The following SUPT20HL2 variants were observed in gnomAD, a reference collection of about 807,000 sequenced individuals.
The protein encoded by SUPT20HL2 is SUPT20H like 2.
For synonymous variants in SUPT20HL2, 125 were observed against 51.6 expected (o/e 2.42, Z -6.10); for missense variants, 288 against 127.4 (o/e 2.26, Z -6.07).
At position 24,311,745 on chromosome X, in the gene SUPT20HL2, G is replaced by A. The variant is rs759319338; in HGVS notation, c.1571C>T (p.Ala524Val). Residue 524 changes from alanine (A) to valine (V), a missense_variant, in exon 1 of 1, where the codon GCG (alanine) becomes GTG (valine). Coordinates refer to ENST00000486479, the MANE Select transcript of SUPT20HL2 (RefSeq NM_001136233.3). ...GCTTGGTGCCGCCCCACCGGCCGCC[G>A]CCGCCACAGCAGCAGCAGCTAAAGC... Reference protein sequence around the residue: ...APALAAAAVAAAAGGAAPSHS... With the variant: ...APALAAAAVAVAAGGAAPSHS... 7 of 353,402 alleles carry A rather than the reference G, an allele frequency of 2.0e-5. No homozygotes were observed. The highest frequency in any genetic ancestry group is 5.2e-5 in the African/African-American group (2 of 38,230). 29.1% of individuals were successfully genotyped at this position (353,402 alleles called of 1,213,427 possible).
In SUPT20HL2 at chrX:24,311,867, T is replaced by C. The variant is rs1458362208; in HGVS notation, c.1449A>G (p.Gln483=). ...KISSGNSFPP[Q]QAGSPLKRPF... ...GACGCTTAAGAGGGCTGCCTGCCTG[T>C]TGTGGGGGAAAACTGTTACCTGAGG... Residue 483 remains glutamine, a synonymous_variant, in exon 1 of 1, where the codon CAA becomes CAG. Coordinates refer to ENST00000486479, the MANE Select transcript of SUPT20HL2 (RefSeq NM_001136233.3). 2 of 349,485 alleles carry C rather than the reference T, an allele frequency of 5.7e-6. No homozygotes were observed. Among genetic ancestry groups the C allele is most frequent in the Admixed American group, 6.1e-5 (2 of 32,806 alleles). 28.8% of individuals were successfully genotyped at this position (349,485 alleles called of 1,213,427 possible).
In SUPT20HL2 at chrX:24,311,175, G is replaced by C. The variant is rs765411333; in HGVS notation, c.2141C>G (p.Thr714Ser). 5.0e-5 allele frequency: 19 copies of C among 381,122 alleles called. No individual in the cohort carries two copies. The highest frequency in any genetic ancestry group is 4.6e-4 in the African/African-American group (18 of 39,332). The allele number at this position is 381,122 out of a possible 1,213,427, so 31.4% of individuals were successfully genotyped here. ...PAQQLLNVNL[T>S]GAGSGLQPQP... ...GGGCTGCAGACCACTACCTGCTCCA[G>C]TGAGGTTCACATTAAGAAGTTGCTG... The change falls in exon 1 of 1, where the codon ACT (threonine) becomes AGT (serine). Residue 714 changes from threonine to serine, a missense_variant. Thr to Ser is a moderately conservative substitution (Grantham distance 58). Coordinates refer to ENST00000486479, the MANE Select transcript of SUPT20HL2 (RefSeq NM_001136233.3).
Position 24,309,763 on chromosome X carries a change from A to C in SUPT20HL2, c.*1099T>G, listed in dbSNP as rs1290037273. Among the ~76,000 whole-genome samples the C allele has an allele frequency of 3.2e-5, 3 of 93,225 alleles. No individual in the cohort carries two copies. Among genetic ancestry groups the C allele is most frequent in the Non-Finnish European group, 4.3e-5 (2 of 46,545 alleles). 81.0% of individuals were successfully genotyped at this position (93,225 alleles called of 115,157 possible). A position where few individuals can be genotyped will look rare whatever the true frequency, so the allele number is the denominator to read the frequency against. ...AAAAAAAAGAAAAAAAAAAAAAAAA[A>C]AAAAAACATCCAAAAAGAGCCTTTT... On this transcript the variant is annotated 3_prime_UTR_variant, in exon 1 of 1. Coordinates refer to ENST00000486479, the MANE Select transcript of SUPT20HL2 (RefSeq NM_001136233.3).
chrX:24,309,725 T>TAAAAAAAAAAAAAAAAAAA lies in SUPT20HL2; in HGVS notation c.*1136_*1137insTTTTTTTTTTTTTTTTTTT, dbSNP rs1569195686. ...AAAATTAAAAAAAAAAAGAAAAAAATAATAAAAATAAAAAAAAAAAGAAAA... is the reference window on the plus strand; with the variant it reads ...AAAATTAAAAAAAAAAAGAAAAAAATAAAAAAAAAAAAAAAAAAAAATAAAAATAAAAAAAAAAAGAAAA... On this transcript the variant is annotated 3_prime_UTR_variant, in exon 1 of 1. Transcript: ENST00000486479. 2.4e-4 allele frequency among the ~76,000 whole-genome samples: 4 copies of TAAAAAAAAAAAAAAAAAAA among 16,881 alleles called. No homozygotes were observed. The highest frequency in any genetic ancestry group is 2.2e-3 in the East Asian group (1 of 464). 14.7% of individuals were successfully genotyped at this position (16,881 alleles called of 115,157 possible).
Position 24,311,315 on chromosome X carries a change from G to A in SUPT20HL2, c.2001C>T (p.Ser667=), listed in dbSNP as rs753295301. The change falls in exon 1 of 1, where the codon TCC becomes TCT. Residue 667 remains serine, a synonymous_variant. Transcript: ENST00000486479. ...GCTGCTGCAGGGAAACCAGCTGATG[G>A]GACTGCTGCTGCGGGCCGGTCAGAA... is the stretch of plus-strand genomic sequence containing the variant. ...WAVLTGPQQQ[S]HQLVSLQQLQ... 2.6e-6 allele frequency: 1 copy of A among 387,682 alleles called. No homozygotes were observed. The highest frequency in any genetic ancestry group is 5.2e-6 in the Non-Finnish European group (1 of 192,719). 31.9% of individuals were successfully genotyped at this position (387,682 alleles called of 1,213,427 possible).
Position 24,312,434 on chromosome X carries a change from T to C in SUPT20HL2, c.882A>G (p.Lys294=), listed in dbSNP as rs769421170. ...TKAGSCVDTW[K]GRPCDLAVPS... ...GCACGGCCAAATCACAGGGTCTGCC[T>C]TTCCACGTGTCTACACAACTTCCCG... The change falls in exon 1 of 1, where the codon AAA becomes AAG. Residue 294 remains lysine, a synonymous_variant. Coordinates refer to ENST00000486479, the MANE Select transcript of SUPT20HL2 (RefSeq NM_001136233.3). The C allele has an allele frequency of 1.6e-5, 6 of 384,808 alleles. No homozygotes were observed. The East Asian group carries it at 3.8e-4, about 24-fold the overall frequency. The allele number at this position is 384,808 out of a possible 1,213,427, so 31.7% of individuals were successfully genotyped here. A position where few individuals can be genotyped will look rare whatever the true frequency, so the allele number is the denominator to read the frequency against.
chrX:24,308,313 A>G lies in SUPT20HL2; in HGVS notation c.*2549T>C. The G allele has an allele frequency of 2.7e-6, 1 of 375,187 alleles. No individual in the cohort carries two copies. Among genetic ancestry groups the G allele is most frequent in the Non-Finnish European group, 5.2e-6 (1 of 192,461 alleles). The allele number at this position is 375,187 out of a possible 1,213,427, so 30.9% of individuals were successfully genotyped here. On this transcript the variant is annotated 3_prime_UTR_variant, in exon 1 of 1. Transcript: ENST00000486479. ...TTGTCTCCATGTCCTACTTGAAAGAAGCAGCAGGCAAAGGAGAAAGCACAC... is the reference window on the plus strand; with the variant it reads ...TTGTCTCCATGTCCTACTTGAAAGAGGCAGCAGGCAAAGGAGAAAGCACAC...
In SUPT20HL2 at chrX:24,311,679, C is replaced by T. The variant is rs754645466; in HGVS notation, c.1637G>A (p.Arg546Lys). ...GGGGCGCCCGGCAGCTGGACGGCGC[C>T]TGCTAGCTTTAATAAGAGGCACAGA... is the stretch of plus-strand genomic sequence containing the variant. ...KPSVPLIKAS[R>K]RRPAAGRPTR... Residue 546 changes from arginine to lysine, a missense_variant, in exon 1 of 1, where the codon AGG becomes AAG. Arg to Lys is a conservative substitution (Grantham distance 26). Coordinates refer to ENST00000486479, the MANE Select transcript of SUPT20HL2 (RefSeq NM_001136233.3). The T allele has an allele frequency of 1.8e-5, 7 of 381,848 alleles. No homozygotes were observed. The highest frequency in any genetic ancestry group is 3.7e-5 in the Non-Finnish European group (7 of 190,149). The allele number at this position is 381,848 out of a possible 1,213,427, so 31.5% of individuals were successfully genotyped here. A position where few individuals can be genotyped will look rare whatever the true frequency, so the allele number is the denominator to read the frequency against.
In SUPT20HL2 at chrX:24,313,756, T is replaced by G. The variant is rs1304193182; in HGVS notation, c.-441A>C. On this transcript the variant is annotated 5_prime_UTR_variant, in exon 1 of 1. Coordinates refer to ENST00000486479, the MANE Select transcript of SUPT20HL2 (RefSeq NM_001136233.3). Reference sequence around the variant, plus strand: ...ACAGAAGTGAGCGGGAGGGCCGTGGTCAGCTTCTAGGCGCGTCTGGGCACC... The same window carrying G: ...ACAGAAGTGAGCGGGAGGGCCGTGGGCAGCTTCTAGGCGCGTCTGGGCACC... 1 of 357,667 alleles carries G rather than the reference T, an allele frequency of 2.8e-6. No homozygotes were observed. Among genetic ancestry groups the G allele is most frequent in the Non-Finnish European group, 5.4e-6 (1 of 186,438 alleles). The allele number at this position is 357,667 out of a possible 1,213,427, so 29.5% of individuals were successfully genotyped here.
rs191355503 is a variant in SUPT20HL2, at chrX:24,310,343, T to G, written c.*519A>C. Among the ~76,000 whole-genome samples, 1 of 111,904 alleles carries G rather than the reference T, an allele frequency of 8.9e-6. No homozygotes were observed. The highest frequency in any genetic ancestry group is 2.8e-4 in the East Asian group (1 of 3,571). ...GGGCATGAGTTTCAGTGTTGCAAGA[T>G]GGTCTTGAGATCTGCGGCACAACCG... On this transcript the variant is annotated 3_prime_UTR_variant, in exon 1 of 1. Transcript: ENST00000486479.
In SUPT20HL2 at chrX:24,311,608, A is replaced by G. The variant is rs750752365; in HGVS notation, c.1708T>C (p.Ser570Pro). The stretch of plus-strand genomic sequence containing the variant: ...ACGTTGGTGGCCTTTAGGCCAGTGG[A>G]GCCTGTCCGGACCTGAATGGCTGGG... Reference protein sequence around the residue: ...IAPAIQVRTGSTGLKATNVEG... With the variant: ...IAPAIQVRTGPTGLKATNVEG... Residue 570 changes from serine (S) to proline (P), a missense_variant, in exon 1 of 1, where the codon TCC becomes CCC. Ser to Pro is a moderately conservative substitution (Grantham distance 74). Coordinates refer to ENST00000486479, the MANE Select transcript of SUPT20HL2 (RefSeq NM_001136233.3). 2.6e-6 allele frequency: 1 copy of G among 385,544 alleles called. No individual in the cohort carries two copies. The highest frequency in any genetic ancestry group is 5.2e-6 in the Non-Finnish European group (1 of 191,799). 31.8% of individuals were successfully genotyped at this position (385,544 alleles called of 1,213,427 possible).
chrX:24,311,042 C>T lies in SUPT20HL2; in HGVS notation c.2274G>A (p.Leu758=), dbSNP rs758515349. ...LGQQPQPLLL[L]QPQPQPQQIQ... is the part of the protein sequence containing the mutation. ...TCTGCTGTGGCTGTGGTTGTGGCTG[C>T]AGCAGCAGCAGCGGCTGTGGCTGCT... The change falls in exon 1 of 1, where the codon CTG becomes CTA. Residue 758 remains leucine, a synonymous_variant. Coordinates refer to ENST00000486479, the MANE Select transcript of SUPT20HL2 (RefSeq NM_001136233.3). 3.2e-5 allele frequency: 12 copies of T among 375,563 alleles called. No individual in the cohort carries two copies. Among genetic ancestry groups the T allele is most frequent in the African/African-American group, 3.1e-4 (12 of 39,067 alleles). 31.0% of individuals were successfully genotyped at this position (375,563 alleles called of 1,213,427 possible).
At position 24,311,791 on chromosome X, in the gene SUPT20HL2, GAGCAGGAGCAGGAGCAGCAGCAGCTAC is replaced by G. The variant is rs757455682; in HGVS notation, c.1498_1524del (p.Val500_Ala508del). On this transcript the variant is annotated inframe_deletion, in exon 1 of 1. Coordinates refer to ENST00000486479, the MANE Select transcript of SUPT20HL2 (RefSeq NM_001136233.3). ...AAAGCAGGAGCAGCAGCAGGAGCAG[GAGCAGGAGCAGGAGCAGCAGCAGCTAC>G]AGCAGGAGCAGCAGCAGGAAATGGA... is the stretch of plus-strand genomic sequence containing the variant. The G allele has an allele frequency of 3.0e-6, 1 of 334,369 alleles. No homozygotes were observed. The highest frequency in any genetic ancestry group is 6.0e-6 in the Non-Finnish European group (1 of 166,350). The allele number at this position is 334,369 out of a possible 1,213,427, so 27.6% of individuals were successfully genotyped here.
rs768776878 is a variant in SUPT20HL2 at position 24,313,221 on chromosome X, G to A, written c.95C>T (p.Ala32Val). Residue 32 changes from alanine (A) to valine (V), a missense_variant, in exon 1 of 1, where the codon GCG (alanine) becomes GTG (valine). Physicochemically the swap from Ala to Val is moderately conservative, Grantham distance 64. Transcript: ENST00000486479. ...RRPRRRYSPRAGKTLQEKLYD... is the reference protein window; with the variant it reads ...RRPRRRYSPRVGKTLQEKLYD... ...AAGTTTTTCCTGCAGAGTTTTTCCC[G>A]CCCTAGGTGAGTATCTCCTTCTAGG... 5.2e-6 allele frequency: 2 copies of A among 383,241 alleles called. No homozygotes were observed. The highest frequency in any genetic ancestry group is 7.5e-5 in the East Asian group (1 of 13,284). The allele number at this position is 383,241 out of a possible 1,213,427, so 31.6% of individuals were successfully genotyped here. A position where few individuals can be genotyped will look rare whatever the true frequency, so the allele number is the denominator to read the frequency against.
At position 24,311,653 on chromosome X, in the gene SUPT20HL2, T is replaced by C; in HGVS notation, c.1663A>G (p.Thr555Ala). The change falls in exon 1 of 1, where the codon ACC becomes GCC. Residue 555 changes from threonine to alanine, a missense_variant. Thr to Ala is a moderately conservative substitution (Grantham distance 58). Coordinates refer to ENST00000486479, the MANE Select transcript of SUPT20HL2 (RefSeq NM_001136233.3). Reference sequence around the variant, plus strand: ...GCTGGGGCTATTTTTACGAATCTGGTGGGGCGCCCGGCAGCTGGACGGCGC... The same window carrying C: ...GCTGGGGCTATTTTTACGAATCTGGCGGGGCGCCCGGCAGCTGGACGGCGC... ...SRRRPAAGRP[T>A]RFVKIAPAIQ... is the part of the protein sequence containing the mutation. 2.6e-6 allele frequency: 1 copy of C among 384,663 alleles called. No homozygotes were observed. Among genetic ancestry groups the C allele is most frequent in the Middle Eastern group, 4.3e-4 (1 of 2,325 alleles). 31.7% of individuals were successfully genotyped at this position (384,663 alleles called of 1,213,427 possible). A position where few individuals can be genotyped will look rare whatever the true frequency, so the allele number is the denominator to read the frequency against.
In SUPT20HL2 at chrX:24,308,700, T is replaced by G. The variant is rs1452581906; in HGVS notation, c.*2162A>C. Among the ~76,000 whole-genome samples the G allele has an allele frequency of 1.8e-5, 2 of 111,763 alleles. No homozygotes were observed. The highest frequency in any genetic ancestry group is 3.8e-5 in the Non-Finnish European group (2 of 53,150). On this transcript the variant is annotated 3_prime_UTR_variant, in exon 1 of 1. Transcript: ENST00000486479. ...TGTACCTAGAAAAACTAATATTACA[T>G]AGGGTACCCTTCAAGGTTTTAACAG...
In SUPT20HL2 at chrX:24,311,033, T is replaced by C. The variant is rs1939118363; in HGVS notation, c.2283A>G (p.Gln761=). The change falls in exon 1 of 1, where the codon CAA becomes CAG. Residue 761 remains glutamine (Q), a synonymous_variant. Coordinates refer to ENST00000486479, the MANE Select transcript of SUPT20HL2 (RefSeq NM_001136233.3). ...QPQPLLLLQP[Q]PQPQQIQLQT... ...GGAGCTGGATCTGCTGTGGCTGTGG[T>C]TGTGGCTGCAGCAGCAGCAGCGGCT... 2.6e-6 allele frequency: 1 copy of C among 380,014 alleles called. No homozygotes were observed. The highest frequency in any genetic ancestry group is 2.6e-5 in the African/African-American group (1 of 39,097). The allele number at this position is 380,014 out of a possible 1,213,427, so 31.3% of individuals were successfully genotyped here.
In SUPT20HL2 at chrX:24,309,729, A is replaced by T. The variant is rs1469350962; in HGVS notation, c.*1133T>A. Among the ~76,000 whole-genome samples the T allele has an allele frequency of 4.8e-5, 2 of 41,963 alleles. No homozygotes were observed. The highest frequency in any genetic ancestry group is 3.4e-4 in the African/African-American group (2 of 5,957). 36.4% of individuals were successfully genotyped at this position (41,963 alleles called of 115,157 possible). On this transcript the variant is annotated 3_prime_UTR_variant, in exon 1 of 1. Transcript: ENST00000486479. Reference sequence around the variant, plus strand: ...TTAAAAAAAAAAAGAAAAAAATAATAAAAATAAAAAAAAAAAGAAAAAAAA... The same window carrying T: ...TTAAAAAAAAAAAGAAAAAAATAATTAAAATAAAAAAAAAAAGAAAAAAAA...
rs1280568824 is a variant in SUPT20HL2 at position 24,312,019 on chromosome X, T to C, written c.1297A>G (p.Ser433Gly). The C allele has an allele frequency of 2.6e-6, 1 of 377,830 alleles. No individual in the cohort carries two copies. The highest frequency in any genetic ancestry group is 5.3e-6 in the Non-Finnish European group (1 of 188,567). The allele number at this position is 377,830 out of a possible 1,213,427, so 31.1% of individuals were successfully genotyped here. The change falls in exon 1 of 1, where the codon AGT becomes GGT. Residue 433 changes from serine (S) to glycine (G), a missense_variant. Ser to Gly is a moderately conservative substitution (Grantham distance 56). Coordinates refer to ENST00000486479, the MANE Select transcript of SUPT20HL2 (RefSeq NM_001136233.3). ...SHSSSGPASV[S>G]QLSSWKTPEQ... The stretch of plus-strand genomic sequence containing the variant: ...GGTGTTTTCCATGAAGAGAGCTGAC[T>C]GACACTGGCTGGGCCACTGGAGCTG...
Sources: allele counts gnomAD v4.1 joint callset (sites outside exome capture counted in the v4.1 genomes callset), GRCh38; gene constraint gnomAD v4.1.1; transcripts MANE v1.5; gene names NCBI Gene and HGNC (gene_info 2026-07-23, HGNC 2026-07-21).